The following ZNF430 variants were observed in gnomAD, a reference collection of about 807,000 sequenced individuals.
ZNF430 encodes the protein zinc finger protein 430.
A neutral mutation model predicts 56.7 loss-of-function variants in ZNF430; 35 were observed. The observed-to-expected ratio is 0.62, with a 90% CI of 0.47 to 0.82. The LOEUF (loss-of-function observed/expected upper bound fraction) is 0.82, where lower values mean the gene tolerates loss of function less well. ZNF430 is among the 40% of genes least tolerant of loss of function. The pLI is 0.00. For synonymous variants in ZNF430, 212 were observed against 224.3 expected (o/e 0.94, Z 0.49); for missense variants, 574 against 661.0 (o/e 0.87, Z 1.44).
chr19:21,030,484 T>C (rs1207047920), intron 2 of ZNF430, among the ~76,000 whole-genome samples: 2 of 131,174 alleles, frequency 1.5e-5, no homozygotes, highest in Non-Finnish European at 3.3e-5. Context: ...ATTGCATTTG[T>C]ATATGTGTAC....
intron 4 of ZNF430, among the ~76,000 whole-genome samples, chr19:21,051,851 T>C (rs1822397433): frequency 6.6e-6 from 1 of 152,230 alleles, no homozygotes; most frequent in African/African-American, 2.4e-5. Context: ...AACTTTGTAA[T>C]GTATTTTGAA....
At position 21,057,497 on chromosome 19, in the gene ZNF430, G is replaced by A; in HGVS notation, c.1189G>A (p.Gly397Arg). 1 of 1,613,480 alleles carries A rather than the reference G, an allele frequency of 6.2e-7. No homozygotes were observed. The highest frequency in any genetic ancestry group is 8.5e-7 in the Non-Finnish European group (1 of 1,179,920). ...YLTKHKIIHT[G>R]EKFYKCEECG... Reference sequence around the variant, plus strand: ...TACTAAACATAAGATAATTCATACTGGAGAGAAATTCTACAAATGTGAAGA... The same window carrying A: ...TACTAAACATAAGATAATTCATACTAGAGAGAAATTCTACAAATGTGAAGA... The change falls in exon 5 of 5, where the codon GGA becomes AGA. Residue 397 changes from glycine to arginine, a missense_variant. This residue lies in a region of ZNF430 where 213 missense variants were observed against 221.0 expected (regional missense o/e 0.96). Coordinates refer to ENST00000261560, the MANE Select transcript of ZNF430 (RefSeq NM_025189.4).
chr19:21,039,585 GCCTCCCA>G (rs1968067787), intron 4 of ZNF430, among the ~76,000 whole-genome samples: 1 of 151,496 alleles, frequency 6.6e-6, no homozygotes, highest in African/African-American at 2.4e-5. Flanking sequence ...TCCCGCCTCA[GCCTCCCA>G]AGTAGCTGGG....
In ZNF430 at chr19:21,033,516, G is replaced by GAC; in HGVS notation, c.160_161dup (p.Ala55LeufsTer10). 6.2e-7 allele frequency: 1 copy of GAC among 1,612,092 alleles called. No homozygotes were observed. Among genetic ancestry groups the GAC allele is most frequent in the South Asian group, 1.1e-5 (1 of 91,010 alleles). ...TTCTCTGGAGGAGTGGCAATGCCTG[G>GAC]ACACTGCTCAGCAGGATTTGTATAG... On this transcript the variant is annotated frameshift_variant, in exon 3 of 5. Transcript: ENST00000261560. LOFTEE classifies it high-confidence loss of function.
chr19:21,051,475 A>G (rs1048732436), intron 4 of ZNF430, among the ~76,000 whole-genome samples: 4 of 152,192 alleles, frequency 2.6e-5, no homozygotes, highest in East Asian at 1.9e-4. Context: ...GAACATTTAT[A>G]TATGTGCTAA....
At chr19:21,053,705 T>A (rs564689789) in intron 4 of ZNF430, among the ~76,000 whole-genome samples, 29 of 152,330 alleles carry the variant, frequency 1.9e-4, no homozygotes, top group African/African-American at 6.7e-4. Context: ...AAAATTTTTT[T>A]AATAAATCAC....
At chr19:21,046,743 G>A (rs1025395453) in intron 4 of ZNF430, among the ~76,000 whole-genome samples, 13 of 152,170 alleles carry the variant, frequency 8.5e-5, no homozygotes, top group Middle Eastern at 3.4e-3. Flanking sequence ...GTGATGTGGC[G>A]TTTCTCTCTG....
chr19:21,050,336 G>T (rs1311366086), intron 4 of ZNF430, among the ~76,000 whole-genome samples: 2 of 152,042 alleles, frequency 1.3e-5, no homozygotes, highest in Non-Finnish European at 2.9e-5. Context: ...AATTAACTGT[G>T]TTTTGATGTT....
intron 2 of ZNF430, among the ~76,000 whole-genome samples, chr19:21,029,094 TCAAA>T (rs773373517): frequency 6.6e-5 from 10 of 152,180 alleles, no homozygotes; most frequent in Non-Finnish European, 1.2e-4. Flanking sequence ...GTCTGGTGAC[TCAAA>T]CAGATAAAGT....
Position 21,057,275 on chromosome 19 carries a change from G to A in ZNF430, c.967G>A (p.Gly323Ser). The stretch of plus-strand genomic sequence containing the variant: ...GAAACCCTACAGATGTGAAGAATGT[G>A]GCAGAGCTTTTAACCGGTCCTCACA... ...GEKPYRCEECGRAFNRSSHLT... is the reference protein window; with the variant it reads ...GEKPYRCEECSRAFNRSSHLT... The change falls in exon 5 of 5, where the codon GGC becomes AGC. Residue 323 changes from glycine to serine, a missense_variant. Around this residue, in one of 3 missense-constraint regions of ZNF430, gnomAD observed 346 missense variants for 399.1 expected, o/e 0.87. Transcript: ENST00000261560. The A allele has an allele frequency of 6.2e-7, 1 of 1,613,160 alleles. No individual in the cohort carries two copies. Among genetic ancestry groups the A allele is most frequent in the Non-Finnish European group, 8.5e-7 (1 of 1,179,854 alleles).
At chr19:21,027,210 C>T (rs887108011) in intron 2 of ZNF430, among the ~76,000 whole-genome samples, 1 of 152,114 alleles carries the variant, frequency 6.6e-6, no homozygotes, top group Non-Finnish European at 1.5e-5. Context: ...TGAGAGAAGG[C>T]ATCCTTATCT....
intron 4 of ZNF430, among the ~76,000 whole-genome samples, chr19:21,051,020 T>G (rs187778569): frequency 6.6e-6 from 1 of 152,246 alleles, no homozygotes; most frequent in East Asian, 1.9e-4. Context: ...AGAGCAAGAT[T>G]CCGTCTGAAA....
In ZNF430 at chr19:21,020,785, C is replaced by T; in HGVS notation, c.-16C>T. 1.2e-6 allele frequency: 2 copies of T among 1,613,788 alleles called. No individual in the cohort carries two copies. The highest frequency in any genetic ancestry group is 1.1e-5 in the South Asian group (1 of 91,084). ...GATCTACAGCTAAGACGCCAGGAAC[C>T]CCTGGAAGCCTAGAAATGGTGAGAG... On this transcript the variant is annotated 5_prime_UTR_variant, in exon 1 of 5. Transcript: ENST00000261560.
intron 4 of ZNF430, chr19:21,036,446 A>G (rs910678103): frequency 3.3e-5 from 5 of 152,154 alleles, no homozygotes; most frequent in African/African-American, 1.2e-4. Context: ...AGATTTATAA[A>G]TCTGTATTTT....
chr19:21,027,174 TC>T (rs956027178), intron 2 of ZNF430, among the ~76,000 whole-genome samples: 3 of 152,080 alleles, frequency 2.0e-5, no homozygotes, highest in Non-Finnish European at 4.4e-5. Context: ...GGCCAGGATT[TC>T]CAATTTTATG....
intron 2 of ZNF430, among the ~76,000 whole-genome samples, chr19:21,032,015 C>T (rs1040975508): frequency 1.3e-5 from 2 of 152,088 alleles, no homozygotes; most frequent in Non-Finnish European, 2.9e-5. Context: ...ATAATCGGCA[C>T]TACTAAAAAT....
chr19:21,053,308 C>G (rs12610099), intron 4 of ZNF430: 78,249 of 151,932 alleles, frequency 0.52, 23,673 homozygotes, highest in East Asian at 0.74. Flanking sequence ...TCTTTATTTC[C>G]ATGTAACCTG....
At chr19:21,037,197 C>T (rs4365405) in intron 4 of ZNF430, among the ~76,000 whole-genome samples, 104,496 of 151,348 alleles carry the variant, frequency 0.69, 40,003 homozygotes, top group East Asian at 0.87. Flanking sequence ...TCACTGCAAC[C>T]TCTGCCTCCC....
rs780987710 is a variant in ZNF430 at position 21,057,986 on chromosome 19, A to T, written c.1678A>T (p.Ser560Cys). The change falls in exon 5 of 5, where the codon AGT becomes TGT. Residue 560 changes from serine (S) to cysteine (C), a missense_variant. Ser to Cys is a moderately radical substitution (Grantham distance 112). Coordinates refer to ENST00000261560, the MANE Select transcript of ZNF430 (RefSeq NM_025189.4). ...FNQSSNLIEQ[S>C]NSYWRETLQM ...CCAGTCCTCAAACCTTATTGAACAA[A>T]GTAATTCATACTGGAGAGAAACCCT... 3.2e-5 allele frequency: 52 copies of T among 1,605,608 alleles called. No homozygotes were observed. Among genetic ancestry groups the T allele is most frequent in the Admixed American group, 1.0e-4 (6 of 58,884 alleles).
Sources: gnomAD v4.1 joint callset for allele counts (sites outside exome capture counted in the v4.1 genomes callset) on GRCh38, gnomAD v4.1.1 for gene constraint, gnomAD v4.1.1 regional missense constraint, MANE v1.5 for transcripts, NCBI Gene and HGNC (gene_info 2026-07-23, HGNC 2026-07-21) for gene names.